TLCD1: variants seen among roughly 807,000 people sequenced by gnomAD.
The protein encoded by TLCD1 is TLC domain-containing protein 1.
Under a neutral mutation model 21.2 loss-of-function variants are expected in TLCD1, and 21 were observed. The observed-to-expected ratio is 0.99, with a 90% CI of 0.70 to 1.42. TLCD1 has a LOEUF of 1.42. Ranked by LOEUF, TLCD1 falls within the 40% of genes most tolerant of loss-of-function variation. The pLI, the probability that TLCD1 is intolerant of heterozygous loss-of-function variation, is 0.00. For synonymous variants in TLCD1, 168 were observed against 134.8 expected (o/e 1.25, Z -1.71); for missense variants, 344 against 330.3 (o/e 1.04, Z -0.32).
Position 28,725,557 on chromosome 17 carries a change from C to A in TLCD1, c.201G>T (p.Trp67Cys), listed in dbSNP as rs1488965693. 1.9e-6 allele frequency: 3 copies of A among 1,613,924 alleles called. No individual in the cohort carries two copies. Among genetic ancestry groups the A allele is most frequent in the Non-Finnish European group, 2.5e-6 (3 of 1,179,956 alleles). The part of the protein sequence containing the change: ...VSGIWALLCV[W>C]QTPDMLVEIE... ...TCTCCACTAACATGTCAGGAGTCTG[C>A]CATACACTGGAAAGGAGGGAAGAGG... Residue 67 changes from tryptophan (W) to cysteine (C), a missense_variant, in exon 2 of 4, where the codon TGG becomes TGT. Transcript: ENST00000292090.
chr17:28,726,663 G>A (rs1285321237), upstream of TLCD1: 1 of 1,273,248 alleles, frequency 7.9e-7, no homozygotes, highest in Non-Finnish European at 1.1e-6. Flanking sequence ...CCTGGGGTGG[G>A]CTCCGGAGCC....
upstream of TLCD1, chr17:28,726,908 G>A (rs929555606): frequency 3.7e-5 from 45 of 1,232,616 alleles, no homozygotes; most frequent in Admixed American, 6.4e-4. Context: ...CCCGGAGGCT[G>A]GGCAAGCAAG....
upstream of TLCD1, chr17:28,726,867 C>T: frequency 6.0e-6 from 9 of 1,502,952 alleles, no homozygotes; most frequent in Middle Eastern, 1.7e-4. Context: ...CACAGTCCTC[C>T]CTCAGACAGT....
rs1248448527 is a variant in TLCD1, at chr17:28,724,621, C to G, written c.633G>C (p.Leu211=). Residue 211 remains leucine (L), a synonymous_variant, in exon 4 of 4, where the codon CTG becomes CTC. Transcript: ENST00000292090. The stretch of plus-strand genomic sequence containing the variant: ...TTATGATCATCACGTCCAGCATGAG[C>G]AGGATACCCAGCAGGAAGGTGCCCA... ...RTLGTFLLGI[L]LMLDVMIIIY... The G allele has an allele frequency of 1.2e-6, 2 of 1,614,128 alleles. No individual in the cohort carries two copies. The highest frequency in any genetic ancestry group is 1.7e-6 in the Non-Finnish European group (2 of 1,180,010).
upstream of TLCD1, chr17:28,726,945 G>A: frequency 1.2e-6 from 1 of 828,914 alleles, no homozygotes; most frequent in African/African-American, 1.7e-5. Context: ...GACAGCTGGA[G>A]TGACCCGCGC....
At chr17:28,725,644 G>A in intron 1 of TLCD1, 81 bp from the exon 2 acceptor site, 1 of 1,455,790 alleles carries the variant, frequency 6.9e-7, no homozygotes. Context: ...CGCAGCCCCG[G>A]GGGATCCTGG....
In TLCD1 at chr17:28,725,924, C is replaced by A; in HGVS notation, c.174G>T (p.Ser58=). The A allele has an allele frequency of 6.2e-7, 1 of 1,613,174 alleles. No individual in the cohort carries two copies. The highest frequency in any genetic ancestry group is 8.5e-7 in the Non-Finnish European group (1 of 1,179,918). ...CTCACCACAGCAGTGCCCAGATCCC[C>A]GACACAATGGAGTGAGCGAAGGAGA... is the stretch of plus-strand genomic sequence containing the variant. ...LLVSFAHSIV[S]GIWALLCVWQ... Residue 58 remains serine, a synonymous_variant, in exon 1 of 4, where the codon TCG becomes TCT. Transcript: ENST00000292090.
In TLCD1 at chr17:28,726,159, T is replaced by A. The variant is rs1303928390; in HGVS notation, c.-62A>T. On this transcript the variant is annotated 5_prime_UTR_variant, in exon 1 of 4. Transcript: ENST00000292090. ...CCTAGGTCTGTTCTGGGAACCGGGA[T>A]CCCTCTCGGGCCAGTCCAGGCCGGC... The A allele has an allele frequency of 7.1e-7, 1 of 1,398,904 alleles. No homozygotes were observed. Among genetic ancestry groups the A allele is most frequent in the African/African-American group, 1.5e-5 (1 of 65,126 alleles). 86.7% of individuals were successfully genotyped at this position (1,398,904 alleles called of 1,614,324 possible).
In TLCD1 at chr17:28,726,209, CCA is replaced by C; in HGVS notation, c.-114_-113del. 7.3e-7 allele frequency: 1 copy of C among 1,369,176 alleles called. No homozygotes were observed. The highest frequency in any genetic ancestry group is 9.4e-7 in the Non-Finnish European group (1 of 1,069,378). The allele number at this position is 1,369,176 out of a possible 1,614,324, so 84.8% of individuals were successfully genotyped here. On this transcript the variant is annotated 5_prime_UTR_variant, in exon 1 of 4. Coordinates refer to ENST00000292090, the MANE Select transcript of TLCD1 (RefSeq NM_138463.4). The stretch of plus-strand genomic sequence containing the variant: ...CCGCCTCTCCCGCCGGCCGCCAGCC[CCA>C]CACAGTTGGCGAAGCCCTCTAGGCC...
chr17:28,727,183 G>T, upstream of TLCD1: 3 of 213,360 alleles, frequency 1.4e-5, no homozygotes, highest in Non-Finnish European at 2.9e-5. Flanking sequence ...GGAGGGGCGG[G>T]AAGAAGCGGG....
At chr17:28,726,922 T>C, upstream of TLCD1, 1 of 1,080,624 alleles carries the variant, frequency 9.3e-7, no homozygotes, top group Non-Finnish European at 1.4e-6. Flanking sequence ...AAGCAAGACC[T>C]CCGATTTGCC....
upstream of TLCD1, chr17:28,726,882 G>T: frequency 6.9e-7 from 1 of 1,454,122 alleles, no homozygotes. Context: ...GACAGTCCCG[G>T]CCCTCGGCCC....
rs373314362 is a variant in TLCD1, at chr17:28,724,748, C to A, written c.506G>T (p.Arg169Leu). The part of the protein sequence containing the change: ...ISNAQDHLLY[R>L]VNKYVNLVMY... ...GACCAGGTTCACATACTTGTTAACCCGGTAGAGGAGATGATCCTGGGCATT... is the reference window on the plus strand; with the variant it reads ...GACCAGGTTCACATACTTGTTAACCAGGTAGAGGAGATGATCCTGGGCATT... Residue 169 changes from arginine (R) to leucine (L), a missense_variant, in exon 4 of 4, where the codon CGG (arginine) becomes CTG (leucine). By Grantham distance (102) the Arg-to-Leu change is moderately radical. Transcript: ENST00000292090. 1.2e-5 allele frequency: 19 copies of A among 1,614,064 alleles called. No homozygotes were observed. The highest frequency in any genetic ancestry group is 1.5e-5 in the Non-Finnish European group (18 of 1,180,026).
At chr17:28,725,067 T>C (rs1486615594) in intron 3 of TLCD1, among the ~76,000 whole-genome samples, 174 bp from the exon 4 acceptor site, 2 of 152,176 alleles carry the variant, frequency 1.3e-5, no homozygotes, top group Non-Finnish European at 2.9e-5. Context: ...TAGATTTTGA[T>C]TGCTGCTCAC....
At chr17:28,725,229 C>T (rs1284299633) in intron 3 of TLCD1, 75 bp downstream of exon 3, 2 of 1,538,400 alleles carry the variant, frequency 1.3e-6, no homozygotes, top group African/African-American at 1.4e-5. Flanking sequence ...CGGCCTTCTC[C>T]CAGATTCAGA....
chr17:28,727,027 G>C, upstream of TLCD1: 1 of 588,666 alleles, frequency 1.7e-6, no homozygotes, highest in Non-Finnish European at 3.0e-6. Context: ...ACTGTGGCGC[G>C]GGCTCCCCCT....
chr17:28,724,975 G>T, intron 3 of TLCD1, 82 bp from the exon 4 acceptor site: 3 of 1,492,716 alleles, frequency 2.0e-6, no homozygotes, highest in South Asian at 2.6e-5. Flanking sequence ...CTATCAGATT[G>T]AGGGCTGGAA....
rs369468267 is a variant in TLCD1 at position 28,726,018 on chromosome 17, C to A, written c.80G>T (p.Cys27Phe). The A allele has an allele frequency of 5.0e-6, 8 of 1,598,770 alleles. No homozygotes were observed. In the African/African-American group the frequency reaches 5.5e-5, roughly 11 times the overall value. Residue 27 changes from cysteine (C) to phenylalanine (F), a missense_variant, in exon 1 of 4, where the codon TGT (cysteine) becomes TTT (phenylalanine). Cys to Phe is a radical substitution (Grantham distance 205). Transcript: ENST00000292090. ...LTFRALRRAL[C>F]RLPLPVHVRA... ...CACGTGCACGGGTAGGGGCAGGCGA[C>A]AGAGCGCGCGCCGGAGCGCCCGGAA...
At chr17:28,727,006 A>C, upstream of TLCD1, 1 of 606,102 alleles carries the variant, frequency 1.6e-6, no homozygotes, top group South Asian at 1.9e-5. Flanking sequence ...ACTAGGTGTC[A>C]GCCTGCCCTC....
Sources: allele counts gnomAD v4.1 joint callset (sites outside exome capture counted in the v4.1 genomes callset), GRCh38; gene constraint gnomAD v4.1.1; transcripts MANE v1.5; gene names NCBI Gene and HGNC (gene_info 2026-07-23, HGNC 2026-07-21).